The following ZMYND8 variants were observed in gnomAD, a reference collection of about 807,000 sequenced individuals.
ZMYND8 encodes MYND-type zinc finger-containing chromatin reader ZMYND8.
Under a neutral mutation model 140.8 loss-of-function variants are expected in ZMYND8, and 37 were observed. That is an observed-to-expected ratio of 0.26 (90% CI 0.20 to 0.35). The LOEUF (loss-of-function observed/expected upper bound fraction) is 0.35, where lower values mean the gene tolerates loss of function less well. Among genes scored for constraint, ZMYND8 ranks in the 10% least tolerant of loss-of-function variants. The pLI, the probability that ZMYND8 is intolerant of heterozygous loss-of-function variation, is 1.00. For missense variants in ZMYND8, 1,068 were observed against 1,570.0 expected (o/e 0.68, Z 5.40); for synonymous variants, 592 against 597.1 (o/e 0.99, Z 0.12).
chr20:47,280,343 C>T (rs1161046283), intron 10 of ZMYND8, among the ~76,000 whole-genome samples: 4 of 152,104 alleles, frequency 2.6e-5, no homozygotes, highest in Non-Finnish European at 5.9e-5. Context: ...CAGACCCATG[C>T]TGCTTTCTTT....
chr20:47,339,633 C>T (rs1024703602), intron 2 of ZMYND8, among the ~76,000 whole-genome samples: 4 of 151,898 alleles, frequency 2.6e-5, no homozygotes, highest in Admixed American at 1.3e-4. Flanking sequence ...CCCGCGACCA[C>T]GCCTGGCTAA....
At chr20:47,236,645 C>A in intron 15 of ZMYND8, 129 bp from the exon 16 acceptor site, 2 of 965,146 alleles carry the variant, frequency 2.1e-6, no homozygotes, top group Non-Finnish European at 2.9e-6. Flanking sequence ...CAAAGATGCT[C>A]CCCTTGACCA....
Position 47,221,383 on chromosome 20 carries a change from T to C in ZMYND8, c.3348A>G (p.Ala1116=). ...SQGSSSSTQS[A]PSETASASKE... ...TGGAGGCGCTGGCCGTTTCTGAAGG[T>C]GCTGATTGTGTGCTCGAGGAGCTCC... The change falls in exon 20 of 23, where the codon GCA becomes GCG. Residue 1116 remains alanine, a synonymous_variant. Coordinates refer to ENST00000471951, the MANE Select transcript of ZMYND8 (RefSeq NM_001281775.3). The C allele has an allele frequency of 1.9e-6, 3 of 1,614,208 alleles. No homozygotes were observed. Among genetic ancestry groups the C allele is most frequent in the Non-Finnish European group, 2.5e-6 (3 of 1,180,034 alleles).
chr20:47,338,036 C>T (rs1047440843), intron 2 of ZMYND8, among the ~76,000 whole-genome samples: 13 of 151,958 alleles, frequency 8.6e-5, no homozygotes, highest in South Asian at 2.1e-4. Context: ...AAGAAGAGGA[C>T]GGCTCAGCAC....
intron 19 of ZMYND8, among the ~76,000 whole-genome samples, chr20:47,222,563 G>A (rs187859582): frequency 3.2e-4 from 48 of 152,120 alleles, no homozygotes; most frequent in Non-Finnish European, 5.7e-4. Context: ...AAAGAAAAAC[G>A]CGTCTGGGAG....
intron 2 of ZMYND8, among the ~76,000 whole-genome samples, chr20:47,337,493 C>A (rs2081477140): frequency 6.6e-6 from 1 of 152,140 alleles, no homozygotes. Flanking sequence ...ACGGCAATAA[C>A]CCTCTATATA....
intron 11 of ZMYND8, among the ~76,000 whole-genome samples, chr20:47,270,697 G>GAAAAAAAAAAAAAAAAAAA (rs34474269): frequency 2.3e-5 from 2 of 86,668 alleles, no homozygotes; most frequent in Admixed American, 1.5e-4. Flanking sequence ...CCCTGTCTCT[G>GAAAAAAAAAAAAAAAAAAA]AAAAAAAAAA....
At chr20:47,319,895 C>T (rs541340146) in intron 2 of ZMYND8, 1 of 152,012 alleles carries the variant, frequency 6.6e-6, no homozygotes, top group South Asian at 2.1e-4. Flanking sequence ...CCAAAGGCTC[C>T]CTCCAACATG....
chr20:47,298,651 G>A lies in ZMYND8; in HGVS notation c.453+78C>T. ...TCTTTTCCATCTATCTGGATTATTT[G>A]TAAATTTAAAAATAAAAGGAAGAAA... On this transcript the variant is annotated intron_variant, in intron 4 of 22. Transcript: ENST00000471951. This position sits in a 1 kb window ranked among gnomAD's most constrained non-coding sequence, Gnocchi z 5.0. The A allele has an allele frequency of 5.2e-6, 8 of 1,540,288 alleles. No homozygotes were observed. Among genetic ancestry groups the A allele is most frequent in the Non-Finnish European group, 7.0e-6 (8 of 1,140,530 alleles).
chr20:47,272,893 T>G (rs1227412944), intron 11 of ZMYND8, among the ~76,000 whole-genome samples: 1 of 152,222 alleles, frequency 6.6e-6, no homozygotes, highest in East Asian at 1.9e-4. Context: ...AACTACTGTC[T>G]TATCTCAATT....
chr20:47,276,910 T>TTTA, intron 10 of ZMYND8, 115 bp from the exon 11 acceptor site: 1 of 514,872 alleles, frequency 1.9e-6, no homozygotes, highest in Non-Finnish European at 2.7e-6. Flanking sequence ...CTTATTCTAT[T>TTTA]AAAAAAAAAA....
In ZMYND8 at chr20:47,356,307, A is replaced by G. The variant is rs1235205207; in HGVS notation, c.14+350T>C. On this transcript the variant is annotated intron_variant, in intron 1 of 22. Coordinates refer to ENST00000471951, the MANE Select transcript of ZMYND8 (RefSeq NM_001281775.3). ...GGGGGAACTGCTCAGAGAGAGAGAG[A>G]GGGGAAGAGAGAGGGAAGAGGGAAA... 2.5e-5 allele frequency: 32 copies of G among 1,287,640 alleles called. 1 individual carries two copies. In the Middle Eastern group the frequency reaches 6.4e-4, roughly 26 times the overall value. 79.8% of individuals were successfully genotyped at this position (1,287,640 alleles called of 1,614,324 possible).
rs770799455 is a variant in ZMYND8 at position 47,239,106 on chromosome 20, C to T, written c.2317G>A (p.Gly773Ser). 2 of 1,514,472 alleles carry T rather than the reference C, an allele frequency of 1.3e-6. No individual in the cohort carries two copies. The highest frequency in any genetic ancestry group is 4.5e-5 in the East Asian group (2 of 43,994). The allele number at this position is 1,514,472 out of a possible 1,614,324, so 93.8% of individuals were successfully genotyped here. The change falls in exon 15 of 23, where the codon GGC (glycine) becomes AGC (serine). Residue 773 changes from glycine to serine, a missense_variant. Around this residue, in one of 10 missense-constraint regions of ZMYND8, gnomAD observed 383 missense variants for 431.2 expected, o/e 0.89. Coordinates refer to ENST00000471951, the MANE Select transcript of ZMYND8 (RefSeq NM_001281775.3). ...VGKTPPSTTV[G>S]SHSPPETPVL... ...GGTGTTTCCGGGGGAGAATGGCTGC[C>T]CACCGTCGTGGATGGTGGAGTTTTA...
At chr20:47,219,807 A>G (rs1419663260) in intron 21 of ZMYND8, among the ~76,000 whole-genome samples, 2 of 152,228 alleles carry the variant, frequency 1.3e-5, no homozygotes, top group African/African-American at 2.4e-5. Flanking sequence ...TTTAACAGAA[A>G]GATCATCCAC....
At chr20:47,322,970 C>G (rs2080100782) in intron 2 of ZMYND8, among the ~76,000 whole-genome samples, 1 of 152,156 alleles carries the variant, frequency 6.6e-6, no homozygotes, top group South Asian at 2.1e-4. Flanking sequence ...TGGAGCCAGA[C>G]TACTAGGTCT....
intron 2 of ZMYND8, 133 bp downstream of exon 2, chr20:47,347,723 C>A: frequency 1.1e-6 from 1 of 881,474 alleles, no homozygotes. Flanking sequence ...ATCAAAAAAT[C>A]TTATATCTGA....
intron 2 of ZMYND8, among the ~76,000 whole-genome samples, chr20:47,322,220 G>A (rs1343391219): frequency 6.6e-6 from 1 of 151,964 alleles, no homozygotes; most frequent in Non-Finnish European, 1.5e-5. Flanking sequence ...TGGTAAAGCG[G>A]CTATTAAGTA....
chr20:47,229,714 G>A lies in ZMYND8; in HGVS notation c.2937+12C>T. The A allele has an allele frequency of 6.2e-7, 1 of 1,610,618 alleles. No individual in the cohort carries two copies. The highest frequency in any genetic ancestry group is 8.5e-7 in the Non-Finnish European group (1 of 1,177,540). On this transcript the variant is annotated intron_variant, in intron 17 of 22. Transcript: ENST00000471951. ...CTCTTAGCAAATAAGAAATTCATGT[G>A]TCATCTCTGACCTCAGCTATTGTGC...
chr20:47,256,793 A>G (rs2074765707), intron 12 of ZMYND8, among the ~76,000 whole-genome samples: 1 of 152,162 alleles, frequency 6.6e-6, no homozygotes, highest in Non-Finnish European at 1.5e-5. Flanking sequence ...TTATGCACAA[A>G]AAGAAAGGAT....
Sources: gnomAD v4.1 joint callset for allele counts (sites outside exome capture counted in the v4.1 genomes callset) on GRCh38, gnomAD v4.1.1 for gene constraint, gnomAD v4.1.1 regional missense constraint, Gnocchi (gnomAD v3.1) non-coding constraint, MANE v1.5 for transcripts, NCBI Gene and HGNC (gene_info 2026-07-23, HGNC 2026-07-21) for gene names.